Variants in SPAG16 observed in about 807,000 individuals in gnomAD.
The protein encoded by SPAG16 is sperm associated antigen 16, also known as sperm-associated antigen 16 protein.
A neutral mutation model predicts 80.4 loss-of-function variants in SPAG16; 86 were observed. That is an observed-to-expected ratio of 1.07 (90% CI 0.90 to 1.28). SPAG16 has a LOEUF of 1.28. Ranked by LOEUF, SPAG16 falls within the 50% of genes most tolerant of loss-of-function variation. The pLI, the probability that SPAG16 is intolerant of heterozygous loss-of-function variation, is 0.00. For missense variants in SPAG16, 870 were observed against 765.3 expected (o/e 1.14, Z -1.61); for synonymous variants, 294 against 265.9 (o/e 1.11, Z -1.03).
intron 10 of SPAG16, among the ~76,000 whole-genome samples, chr2:213,509,039 C>T (rs540246835): frequency 2.0e-5 from 3 of 150,842 alleles, no homozygotes; most frequent in East Asian, 3.9e-4. Context: ...CTCTTTCACC[C>T]AGGCTGGAGT....
chr2:214,136,849 A>C (rs955122688), intron 14 of SPAG16, among the ~76,000 whole-genome samples: 2 of 152,148 alleles, frequency 1.3e-5, no homozygotes, highest in Admixed American at 6.6e-5. Flanking sequence ...TTGAAATACT[A>C]ATTTTCCTCC....
rs564733111 is a variant in SPAG16, at chr2:213,530,288, T to G, written c.1070+40198T>G. On this transcript the variant is annotated intron_variant, in intron 10 of 15. Coordinates refer to ENST00000331683, the MANE Select transcript of SPAG16 (RefSeq NM_024532.5). ...TGACTGGCAGCACAGTGGGTTTGTT[T>G]ACACCAGCATCACAACAAACGTGAG... Among the ~76,000 whole-genome samples, 11 of 152,340 alleles carry G rather than the reference T, an allele frequency of 7.2e-5. No individual in the cohort carries two copies. The East Asian group carries it at 2.1e-3, about 29-fold the overall frequency.
At chr2:213,714,801 G>A (rs981686449) in intron 10 of SPAG16, among the ~76,000 whole-genome samples, 1 of 152,058 alleles carries the variant, frequency 6.6e-6, no homozygotes, top group African/African-American at 2.4e-5. Flanking sequence ...AACGAATCTG[G>A]TAACAGAGTA....
chr2:213,364,844 C>G (rs1224706875), intron 8 of SPAG16: 5 of 152,224 alleles, frequency 3.3e-5, no homozygotes, highest in Non-Finnish European at 5.9e-5. Context: ...TGATGCGAAA[C>G]ATTGCAAATC....
intron 10 of SPAG16, among the ~76,000 whole-genome samples, chr2:213,777,355 T>C (rs1457620268): frequency 1.3e-5 from 2 of 148,656 alleles, no homozygotes; most frequent in African/African-American, 4.9e-5. Context: ...CAAGAGATTC[T>C]CCCACCTCAG....
At chr2:213,926,382 C>T (rs887833628) in intron 11 of SPAG16, among the ~76,000 whole-genome samples, 21 of 152,166 alleles carry the variant, frequency 1.4e-4, no homozygotes, top group African/African-American at 4.3e-4. Context: ...TTTTACCCCT[C>T]GCCCCACTTC....
At chr2:213,488,813 A>C (rs1276604139) in intron 9 of SPAG16, among the ~76,000 whole-genome samples, 1 of 148,204 alleles carries the variant, frequency 6.7e-6, no homozygotes, top group Non-Finnish European at 1.5e-5. Context: ...GGCGGTGCTC[A>C]CGTCTGTAAT....
intron 7 of SPAG16, among the ~76,000 whole-genome samples, chr2:213,358,073 C>G (rs191383956): frequency 6.6e-6 from 1 of 152,012 alleles, no homozygotes; most frequent in Admixed American, 6.6e-5. Context: ...TTAAGAGTGT[C>G]GAATATTGGC....
intron 14 of SPAG16, among the ~76,000 whole-genome samples, chr2:214,139,722 G>A (rs1351162490): frequency 6.6e-6 from 1 of 151,870 alleles, no homozygotes; most frequent in East Asian, 1.9e-4. Context: ...TAATGGCCTG[G>A]GTAAAGTCAA....
intron 12 of SPAG16, among the ~76,000 whole-genome samples, chr2:213,988,311 G>A (rs1190499524): frequency 6.6e-6 from 1 of 152,012 alleles, no homozygotes; most frequent in Non-Finnish European, 1.5e-5. Flanking sequence ...TTCTTCTTAA[G>A]TATACGTGGA....
intron 13 of SPAG16, among the ~76,000 whole-genome samples, chr2:214,059,208 A>ATGTG (rs1559745268): frequency 1.8e-3 from 162 of 88,074 alleles, no homozygotes; most frequent in African/African-American, 6.0e-3. Context: ...ATATATATAT[A>ATGTG]TATATATGTA....
intron 10 of SPAG16, among the ~76,000 whole-genome samples, chr2:213,701,596 G>A (rs116090845): frequency 0.011 from 1,725 of 152,276 alleles, 30 homozygotes; most frequent in African/African-American, 0.031. Context: ...GACCTTCCAA[G>A]GGCTGAGGAG....
chr2:214,358,319 G>A (rs1281042076), intron 15 of SPAG16, among the ~76,000 whole-genome samples: 1 of 151,764 alleles, frequency 6.6e-6, no homozygotes, highest in Non-Finnish European at 1.5e-5. Flanking sequence ...CGGTTTTCTA[G>A]GTCACCAGAA....
chr2:213,982,415 G>A (rs552637111), intron 12 of SPAG16, among the ~76,000 whole-genome samples: 5 of 151,828 alleles, frequency 3.3e-5, no homozygotes, highest in African/African-American at 1.2e-4. Flanking sequence ...AATGAATTAT[G>A]TTATGATTTT....
chr2:213,869,262 A>T (rs868306217), intron 11 of SPAG16, among the ~76,000 whole-genome samples: 132 of 12,350 alleles, frequency 0.011, 3 homozygotes, highest in African/African-American at 0.012. Flanking sequence ...TCAAAAAAAA[A>T]AAATATATAT....
At chr2:214,374,743 A>G (rs540292591) in intron 15 of SPAG16, among the ~76,000 whole-genome samples, 5 of 152,336 alleles carry the variant, frequency 3.3e-5, no homozygotes, top group African/African-American at 1.2e-4. Flanking sequence ...AGAACATTAG[A>G]TTTCTGCAAC....
intron 15 of SPAG16, among the ~76,000 whole-genome samples, chr2:214,400,437 A>C (rs551333247): frequency 2.8e-4 from 42 of 152,164 alleles, no homozygotes; most frequent in African/African-American, 9.9e-4. Context: ...TTTATGTAGC[A>C]TTTATATTGT....
intron 1 of SPAG16, among the ~76,000 whole-genome samples, chr2:213,294,793 TTA>T (rs2062432559): frequency 6.6e-6 from 1 of 152,104 alleles, no homozygotes; most frequent in Admixed American, 6.5e-5. Context: ...CTTTATGTAT[TTA>T]TGTAGCACAG....
chr2:213,368,554 G>T (rs181531547), intron 8 of SPAG16, among the ~76,000 whole-genome samples: 4 of 152,298 alleles, frequency 2.6e-5, no homozygotes, highest in Non-Finnish European at 5.9e-5. Flanking sequence ...AGTGTTGGAA[G>T]TTCTGGCCAG....
Sources: allele counts gnomAD v4.1 joint callset (sites outside exome capture counted in the v4.1 genomes callset), GRCh38; gene constraint gnomAD v4.1.1; transcripts MANE v1.5; gene names NCBI Gene and HGNC (gene_info 2026-07-23, HGNC 2026-07-21).